Variants in EP400 observed in about 807,000 individuals in gnomAD.
EP400 encodes E1A-binding protein p400.
In EP400, 105 loss-of-function variants were observed where a neutral mutation model predicts 354.1. The ratio of observed to expected loss-of-function variants is 0.30; its 90% CI spans 0.25 to 0.35. The LOEUF (loss-of-function observed/expected upper bound fraction) is 0.35. EP400 is among the 10% of genes least tolerant of loss of function. The probability of loss-of-function intolerance (pLI) is 1.00; values close to 1 mark genes in which losing one functional copy is unlikely to be tolerated. For missense variants in EP400, 3,280 were observed against 4,121.0 expected (o/e 0.80, Z 5.59); for synonymous variants, 1,646 against 1,716.9 (o/e 0.96, Z 1.02).
At chr12:131,981,800 A>G (rs1687997939) in intron 4 of EP400, among the ~76,000 whole-genome samples, 1 of 152,248 alleles carries the variant, frequency 6.6e-6, no homozygotes, top group South Asian at 2.1e-4. Context: ...AATGGGAGCC[A>G]CACGTCGCAT....
intron 2 of EP400, among the ~76,000 whole-genome samples, chr12:131,978,406 C>T (rs1892555186): frequency 6.6e-6 from 1 of 152,236 alleles, no homozygotes; most frequent in South Asian, 2.1e-4. Context: ...CTCCCCTCTG[C>T]TTTGCACCTG....
rs1005022403 is a variant in EP400, at chr12:131,994,871, C to T, written c.2742C>T (p.Asp914=). ...ACTTGCTGATAACCATTTTAGTGGA[C>T]GATGAAGAGGAAACAATTGAAGAGG... ...ASISLTDDEV[D]DEEETIEEEE... Residue 914 remains aspartate, a synonymous_variant, in exon 12 of 53, where the codon GAC becomes GAT. Coordinates refer to ENST00000389561, the MANE Select transcript of EP400 (RefSeq NM_015409.5). The surrounding 1 kb of genome is among the most constrained non-coding windows in gnomAD (Gnocchi z 4.6). 1.5e-5 allele frequency: 25 copies of T among 1,613,432 alleles called. No individual in the cohort carries two copies. The highest frequency in any genetic ancestry group is 8.3e-5 in the Admixed American group (5 of 59,946).
rs1313917687 is a variant in EP400 at position 132,011,606 on chromosome 12, G to A, written c.3413G>A (p.Ser1138Asn). ...PGLKILSYIG[S>N]HRELKAKRQE... Reference sequence around the variant, plus strand: ...CTCAAAATCCTCTCATATATTGGCAGCCACAGAGAACTCAAAGCAAAGAGA... The same window carrying A: ...CTCAAAATCCTCTCATATATTGGCAACCACAGAGAACTCAAAGCAAAGAGA... Residue 1138 changes from serine to asparagine, a missense_variant, in exon 16 of 53, where the codon AGC becomes AAC. By Grantham distance (46) the Ser-to-Asn change is conservative (BLOSUM62 1). Around this residue, in one of 20 missense-constraint regions of EP400, gnomAD observed 242 missense variants for 357.9 expected, o/e 0.68. Coordinates refer to ENST00000389561, the MANE Select transcript of EP400 (RefSeq NM_015409.5). 15 of 1,610,906 alleles carry A rather than the reference G, an allele frequency of 9.3e-6. No individual in the cohort carries two copies. The highest frequency in any genetic ancestry group is 1.1e-5 in the Non-Finnish European group (13 of 1,178,768).
intron 25 of EP400, among the ~76,000 whole-genome samples, chr12:132,026,023 A>T (rs1165900680): frequency 6.6e-6 from 1 of 152,142 alleles, no homozygotes; most frequent in African/African-American, 2.4e-5. Context: ...ACCAGCCTCC[A>T]CTGTCCTTAG....
In EP400 at chr12:132,027,899, G is replaced by A. The variant is rs897154462; in HGVS notation, c.5110-118G>A. 1.5e-5 allele frequency: 16 copies of A among 1,057,150 alleles called. No homozygotes were observed. Among genetic ancestry groups the A allele is most frequent in the Middle Eastern group, 5.3e-4 (2 of 3,802 alleles). 65.5% of individuals were successfully genotyped at this position (1,057,150 alleles called of 1,614,324 possible). ...TCTCTATTTCCTGTAACACAAGACC[G>A]GGGATATTGAAGTGGATCTCATATG... On this transcript the variant is annotated intron_variant, in intron 26 of 52. Coordinates refer to ENST00000389561, the MANE Select transcript of EP400 (RefSeq NM_015409.5). The surrounding 1 kb of genome is among the most constrained non-coding windows in gnomAD (Gnocchi z 4.9).
At chr12:132,005,021 T>G in intron 12 of EP400, 56 bp from the exon 13 acceptor site, 1 of 1,390,462 alleles carries the variant, frequency 7.2e-7, no homozygotes, top group East Asian at 2.5e-5. Flanking sequence ...CCTTCCCAAT[T>G]TAAATTACAG....
At chr12:132,056,796 G>A (rs939955639) in intron 45 of EP400, among the ~76,000 whole-genome samples, 5 of 152,140 alleles carry the variant, frequency 3.3e-5, no homozygotes, top group Admixed American at 2.6e-4. Context: ...GTAAGAAAAC[G>A]AAAAGCATAG....
At chr12:131,965,245 T>G (rs1156938651) in intron 2 of EP400, among the ~76,000 whole-genome samples, 2 of 152,172 alleles carry the variant, frequency 1.3e-5, no homozygotes, top group African/African-American at 2.4e-5. Context: ...CAGTGGAAAT[T>G]TATTTATTTT....
In EP400 at chr12:132,053,591, C is replaced by A; in HGVS notation, c.7722C>A (p.Ala2574=). ...CAATCACGACGGGGGGCAGTGCAGC[C>A]GTACTGGTGAGCAGGGGCCTCCTCC... is the stretch of plus-strand genomic sequence containing the variant. ...QPAITTGGSA[A]VLAGTIKTSV... Residue 2574 remains alanine, a synonymous_variant, in exon 43 of 53, where the codon GCC becomes GCA. Coordinates refer to ENST00000389561, the MANE Select transcript of EP400 (RefSeq NM_015409.5). 1.9e-6 allele frequency: 3 copies of A among 1,546,106 alleles called. No homozygotes were observed. The highest frequency in any genetic ancestry group is 1.2e-5 in the South Asian group (1 of 85,304).
At chr12:132,045,589 G>A in intron 38 of EP400, 29 bp downstream of exon 38, 1 of 1,610,472 alleles carries the variant, frequency 6.2e-7, no homozygotes, top group Non-Finnish European at 8.5e-7. Flanking sequence ...TGTGCCAGCG[G>A]TCATGTGCGG....
At chr12:131,952,293 ACT>A (rs1365450825) in intron 1 of EP400, among the ~76,000 whole-genome samples, 1 of 113,428 alleles carries the variant, frequency 8.8e-6, no homozygotes, top group African/African-American at 3.6e-5. Flanking sequence ...ACAGAGCGAG[ACT>A]CTGTCTCAAA....
At chr12:131,979,899 T>G in intron 3 of EP400, 106 bp downstream of exon 3, 1 of 870,392 alleles carries the variant, frequency 1.1e-6, no homozygotes, top group Non-Finnish European at 1.7e-6. Context: ...ACTTGGTTTC[T>G]TCCTACTTTG....
rs761464194 is a variant in EP400, at chr12:132,011,638, T to A, written c.3441+4T>A. The stretch of plus-strand genomic sequence containing the variant: ...AGAACTCAAAGCAAAGAGACAGGTA[T>A]TTTTTTTTTAAACATAAAATAAAGC... On this transcript the variant is annotated splice_donor_region_variant and intron_variant, in intron 16 of 52. Coordinates refer to ENST00000389561, the MANE Select transcript of EP400 (RefSeq NM_015409.5). The A allele has an allele frequency of 2.4e-5, 34 of 1,407,152 alleles. No homozygotes were observed. Among genetic ancestry groups the A allele is most frequent in the Non-Finnish European group, 3.1e-5 (32 of 1,047,266 alleles). 87.2% of individuals were successfully genotyped at this position (1,407,152 alleles called of 1,614,324 possible).
Position 131,981,593 on chromosome 12 carries a change from C to T in EP400, c.1540C>T (p.Gln514Ter). The stretch of plus-strand genomic sequence containing the variant: ...TCTCCAGCAACTAATGCCGACCGCA[C>T]AAGGTAAGGCCCAGCAGCAGAGCCA... ...VPLQQLMPTA[Q>*]GGMPPTPQAA... Residue 514 changes from glutamine (Q) to a stop codon, truncating the protein, a stop_gained, in exon 4 of 53, where the codon CAA (glutamine) becomes TAA (stop). Coordinates refer to ENST00000389561, the MANE Select transcript of EP400 (RefSeq NM_015409.5). LOFTEE classifies it high-confidence loss of function. 1 of 1,593,536 alleles carries T rather than the reference C, an allele frequency of 6.3e-7. No homozygotes were observed. The highest frequency in any genetic ancestry group is 1.3e-5 in the African/African-American group (1 of 74,808).
chr12:131,963,580 A>G (rs1161980708), intron 2 of EP400: 6 of 1,598,488 alleles, frequency 3.8e-6, no homozygotes, highest in Non-Finnish European at 5.1e-6. Context: ...TCCCGTTGCT[A>G]TAGCAACCCA....
At chr12:131,962,740 G>A (rs1197667740) in intron 2 of EP400, among the ~76,000 whole-genome samples, 2 of 152,198 alleles carry the variant, frequency 1.3e-5, no homozygotes, top group Non-Finnish European at 2.9e-5. Flanking sequence ...GAAAACCAGG[G>A]TGAGAGTGAA....
chr12:132,026,633 T>TG (rs1431601552), intron 25 of EP400, among the ~76,000 whole-genome samples: 2 of 152,182 alleles, frequency 1.3e-5, no homozygotes, highest in African/African-American at 4.8e-5. Flanking sequence ...AACCAGCTGC[T>TG]GCACCCTTCT....
At chr12:132,068,625 G>A (rs1895974947) in intron 50 of EP400, 1 of 152,342 alleles carries the variant, frequency 6.6e-6, no homozygotes, top group Non-Finnish European at 1.5e-5. Flanking sequence ...GGGACACAAA[G>A]CCGGGAGGCG....
chr12:132,014,040 G>T, intron 19 of EP400, 127 bp downstream of exon 19: 1 of 1,296,116 alleles, frequency 7.7e-7, no homozygotes, highest in East Asian at 2.3e-5. Flanking sequence ...GGAGACCGAG[G>T]CACCCTCCTG....
Sources: gnomAD v4.1 joint callset for allele counts (sites outside exome capture counted in the v4.1 genomes callset) on GRCh38, gnomAD v4.1.1 for gene constraint, gnomAD v4.1.1 regional missense constraint, Gnocchi (gnomAD v3.1) non-coding constraint, MANE v1.5 for transcripts, NCBI Gene and HGNC (gene_info 2026-07-23, HGNC 2026-07-21) for gene names.